Variants in TRIM36 observed in about 807,000 individuals in gnomAD.
TRIM36 encodes the protein tripartite motif containing 36.
A neutral mutation model predicts 72.4 loss-of-function variants in TRIM36; 42 were observed. The observed-to-expected ratio is 0.58, with a 90% CI of 0.45 to 0.75. The LOEUF (loss-of-function observed/expected upper bound fraction) is 0.75, where lower values mean the gene tolerates loss of function less well. Ranked by LOEUF, TRIM36 falls within the 30% of genes least tolerant of loss-of-function variation. TRIM36 has a pLI of 0.00. For missense variants in TRIM36, 913 were observed against 857.1 expected (o/e 1.07, Z -0.81); for synonymous variants, 315 against 282.8 (o/e 1.11, Z -1.14).
At chr5:115,135,448 T>C (rs945800570) in intron 7 of TRIM36, among the ~76,000 whole-genome samples, 18 of 151,444 alleles carry the variant, frequency 1.2e-4, no homozygotes, top group Admixed American at 1.3e-4. Flanking sequence ...CCCCATACTC[T>C]TTTTCTTTCT....
chr5:115,126,834 T>C lies in TRIM36; in HGVS notation c.1820A>G (p.Asp607Gly). The C allele has an allele frequency of 6.2e-7, 1 of 1,613,466 alleles. No individual in the cohort carries two copies. Among genetic ancestry groups the C allele is most frequent in the Non-Finnish European group, 8.5e-7 (1 of 1,179,710 alleles). ...AAAACAGGCATCCTCACTTCCACTG[T>C]CATGCCCACTGTCTTGCTCATATCT... Reference protein sequence around the residue: ...SPRYEQDSGHDSGSEDACFDS... With the variant: ...SPRYEQDSGHGSGSEDACFDS... Residue 607 changes from aspartate (D) to glycine (G), a missense_variant, in exon 10 of 10, where the codon GAC (aspartate) becomes GGC (glycine). Asp to Gly is a moderately conservative substitution (Grantham distance 94). Transcript: ENST00000513154.
intron 2 of TRIM36, among the ~76,000 whole-genome samples, chr5:115,152,897 T>A (rs1406133471): frequency 6.6e-6 from 1 of 151,952 alleles, no homozygotes; most frequent in Non-Finnish European, 1.5e-5. Flanking sequence ...TGGAAACGCA[T>A]CAAAACAGAA....
rs1039716054 is a variant in TRIM36 at position 115,157,736 on chromosome 5, T to A, written c.262+5782A>T. Among the ~76,000 whole-genome samples, 3 of 152,076 alleles carry A rather than the reference T, an allele frequency of 2.0e-5. No homozygotes were observed. In the South Asian group the frequency reaches 6.2e-4, roughly 31 times the overall value. ...TGGAAAAAACCCAAATGCCTATGAA[T>A]TGAGAAGAAACTGTGGTATATATAC... On this transcript the variant is annotated intron_variant, in intron 2 of 9. Transcript: ENST00000513154.
chr5:115,135,665 A>G (rs1197780396), intron 7 of TRIM36, among the ~76,000 whole-genome samples: 3 of 152,096 alleles, frequency 2.0e-5, no homozygotes, highest in African/African-American at 7.2e-5. Context: ...GGGAGGGAGG[A>G]CCTAGGACTC....
Position 115,141,418 on chromosome 5 carries a change from T to G in TRIM36, c.736-44A>C, listed in dbSNP as rs780044546. 6.3e-6 allele frequency: 9 copies of G among 1,428,224 alleles called. No homozygotes were observed. In the South Asian group the frequency reaches 1.0e-4, roughly 17 times the overall value. 88.5% of individuals were successfully genotyped at this position (1,428,224 alleles called of 1,614,324 possible). On this transcript the variant is annotated intron_variant, in intron 4 of 9. Transcript: ENST00000513154. Reference sequence around the variant, plus strand: ...AACACAAATAGACAAAACGGGAGTTTAGCAAAGACTTTGCAGAATTTTTTT... The same window carrying G: ...AACACAAATAGACAAAACGGGAGTTGAGCAAAGACTTTGCAGAATTTTTTT...
At chr5:115,133,399 T>C (rs1341673257) in intron 8 of TRIM36, among the ~76,000 whole-genome samples, 1 of 152,142 alleles carries the variant, frequency 6.6e-6, no homozygotes, top group East Asian at 1.9e-4. Context: ...TCCATCCCTA[T>C]TATCTGAGAA....
chr5:115,178,977 G>C (rs1372418023), intron 1 of TRIM36, among the ~76,000 whole-genome samples: 1 of 152,166 alleles, frequency 6.6e-6, no homozygotes, highest in Non-Finnish European at 1.5e-5. Flanking sequence ...AGGGTTTCAG[G>C]TGCTCACATC....
At chr5:115,179,111 C>G (rs1435054415) in intron 1 of TRIM36, among the ~76,000 whole-genome samples, 2 of 152,234 alleles carry the variant, frequency 1.3e-5, no homozygotes, top group Non-Finnish European at 2.9e-5. Context: ...TTCCCGCCTT[C>G]TCTCCGTCTG....
chr5:115,159,002 C>A (rs959520420), intron 2 of TRIM36, among the ~76,000 whole-genome samples: 1 of 152,144 alleles, frequency 6.6e-6, no homozygotes, highest in South Asian at 2.1e-4. Flanking sequence ...CATTAAAAAG[C>A]AGTCAATGTT....
chr5:115,134,101 G>A lies in TRIM36; in HGVS notation c.1257C>T (p.Asn419=). 6.2e-7 allele frequency: 1 copy of A among 1,612,276 alleles called. No individual in the cohort carries two copies. The highest frequency in any genetic ancestry group is 1.1e-5 in the South Asian group (1 of 90,708). ...EINEEQSKVY[N]NALINWHHPE... is the part of the protein sequence containing the mutation. ...GATGGTGCCAATTTATCAAGGCATT[G>A]TTATAAACTTTGCTCTGTTCCTCAT... The change falls in exon 8 of 10, where the codon AAC becomes AAT. Residue 419 remains asparagine (N), a synonymous_variant. Coordinates refer to ENST00000513154, the MANE Select transcript of TRIM36 (RefSeq NM_001300759.2).
At chr5:115,149,883 C>A (rs533455015) in intron 2 of TRIM36, among the ~76,000 whole-genome samples, 1 of 152,076 alleles carries the variant, frequency 6.6e-6, no homozygotes, top group Admixed American at 6.5e-5. Context: ...CTCAGCCTCC[C>A]GAGTAGCTGG....
intron 2 of TRIM36, among the ~76,000 whole-genome samples, chr5:115,151,468 G>A (rs1297126581): frequency 2.0e-5 from 3 of 152,070 alleles, no homozygotes; most frequent in Non-Finnish European, 4.4e-5. Context: ...AAGACAAAGG[G>A]CATATAATCT....
chr5:115,133,904 C>A lies in TRIM36; in HGVS notation c.1454G>T (p.Ser485Ile). Residue 485 changes from serine (S) to isoleucine (I), a missense_variant, in exon 8 of 10, where the codon AGT becomes ATT. By Grantham distance (142) the Ser-to-Ile change is moderately radical. Coordinates refer to ENST00000513154, the MANE Select transcript of TRIM36 (RefSeq NM_001300759.2). Reference sequence around the variant, plus strand: ...AAGAATCAATTCTCTGCTGCAAGGACTACAGATTGAACCCTTGTAAGCTCT... The same window carrying A: ...AAGAATCAATTCTCTGCTGCAAGGAATACAGATTGAACCCTTGTAAGCTCT... ...RVRAYKGSIC[S>I]PCSRELILHT... The A allele has an allele frequency of 6.2e-7, 1 of 1,612,108 alleles. No homozygotes were observed. The highest frequency in any genetic ancestry group is 1.1e-5 in the South Asian group (1 of 90,542).
chr5:115,162,726 G>T (rs758962825), intron 2 of TRIM36, among the ~76,000 whole-genome samples: 16 of 152,010 alleles, frequency 1.1e-4, no homozygotes, highest in Admixed American at 2.6e-4. Context: ...GTTTTATCTA[G>T]TAGGACTGAT....
At position 115,155,327 on chromosome 5, in the gene TRIM36, A is replaced by G. The variant is rs140153139; in HGVS notation, c.263-7933T>C. ...CGCACCACTGCACTTCAGCCTGGGC[A>G]ACAAAGAGCGAAACTCCGTCTCAAA... is the stretch of plus-strand genomic sequence containing the variant. On this transcript the variant is annotated intron_variant, in intron 2 of 9. Coordinates refer to ENST00000513154, the MANE Select transcript of TRIM36 (RefSeq NM_001300759.2). Among the ~76,000 whole-genome samples, 261 of 152,324 alleles carry G rather than the reference A, an allele frequency of 1.7e-3. 2 individuals are homozygous for G. Among genetic ancestry groups the G allele is most frequent in the African/African-American group, 6.0e-3 (250 of 41,564 alleles).
Position 115,134,072 on chromosome 5 carries a change from T to C in TRIM36, c.1286A>G (p.Glu429Gly). The C allele has an allele frequency of 1.2e-6, 2 of 1,613,480 alleles. No individual in the cohort carries two copies. Among genetic ancestry groups the C allele is most frequent in the African/African-American group, 1.3e-5 (1 of 75,030 alleles). Residue 429 changes from glutamate (E) to glycine (G), a missense_variant, in exon 8 of 10, where the codon GAA (glutamate) becomes GGA (glycine). Physicochemically the swap from Glu to Gly is moderately conservative, Grantham distance 98 (BLOSUM62 -2). Transcript: ENST00000513154. ...NNALINWHHPEKDKADSYVLE... is the reference protein window; with the variant it reads ...NNALINWHHPGKDKADSYVLE... Reference sequence around the variant, plus strand: ...AACATAGCTATCAGCTTTATCCTTTTCTGGATGGTGCCAATTTATCAAGGC... The same window carrying C: ...AACATAGCTATCAGCTTTATCCTTTCCTGGATGGTGCCAATTTATCAAGGC...
rs1473155830 is a variant in TRIM36, at chr5:115,126,733, TAGA to T, written c.1918_1920del (p.Ser640del). 2.5e-6 allele frequency: 4 copies of T among 1,614,052 alleles called. No homozygotes were observed. Among genetic ancestry groups the T allele is most frequent in the Admixed American group, 1.7e-5 (1 of 60,008 alleles). On this transcript the variant is annotated inframe_deletion, in exon 10 of 10. Transcript: ENST00000513154. ...GGGAGAACTCTATTTTCAGGTTCAT[TAGA>T]AGAAGTAGGTGACTTGGGTATAAAA...
intron 4 of TRIM36, among the ~76,000 whole-genome samples, chr5:115,142,532 C>T (rs1237647964): frequency 6.6e-6 from 1 of 152,130 alleles, no homozygotes. Flanking sequence ...TGGCAGAATT[C>T]GGACACATGA....
chr5:115,150,714 G>C (rs979219098), intron 2 of TRIM36, among the ~76,000 whole-genome samples: 6 of 152,202 alleles, frequency 3.9e-5, no homozygotes. Flanking sequence ...AATACTGCGA[G>C]GGCCCAAACT....
Sources: allele counts gnomAD v4.1 joint callset (sites outside exome capture counted in the v4.1 genomes callset), GRCh38; gene constraint gnomAD v4.1.1; transcripts MANE v1.5; gene names NCBI Gene and HGNC (gene_info 2026-07-23, HGNC 2026-07-21).